Variants in CDK17 observed in about 807,000 individuals in gnomAD.
The protein encoded by CDK17 is cyclin-dependent kinase 17.
Under a neutral mutation model 77.6 loss-of-function variants are expected in CDK17, and 24 were observed. That is an observed-to-expected ratio of 0.31 (90% CI 0.22 to 0.44). CDK17 has a LOEUF of 0.44. Ranked by LOEUF, CDK17 falls within the 20% of genes least tolerant of loss-of-function variation. CDK17 has a pLI of 1.00. For synonymous variants in CDK17, 203 were observed against 210.4 expected, an observed-to-expected ratio of 0.96 and a Z score of 0.30; for missense variants, 429 against 622.5, an observed-to-expected ratio of 0.69 and a Z score of 3.31.
At chr12:96,306,228 A>G (rs1405795677) in intron 5 of CDK17, among the ~76,000 whole-genome samples, 2 of 152,148 alleles carry the variant, frequency 1.3e-5, no homozygotes, top group African/African-American at 4.8e-5. Context: ...ACTCAAGCAA[A>G]GGTTTTATGT....
chr12:96,385,488 C>A (rs1205125626), intron 1 of CDK17, among the ~76,000 whole-genome samples: 3 of 152,014 alleles, frequency 2.0e-5, no homozygotes, highest in Non-Finnish European at 4.4e-5. Flanking sequence ...CGAACCTGCA[C>A]TTGTATGCCC....
intron 5 of CDK17, among the ~76,000 whole-genome samples, chr12:96,305,201 A>C (rs1241860774): frequency 6.6e-6 from 1 of 152,238 alleles, no homozygotes; most frequent in Non-Finnish European, 1.5e-5. Flanking sequence ...AAGGACTACT[A>C]AATAGCACGT....
chr12:96,316,525 AG>A (rs1952722239), intron 3 of CDK17, among the ~76,000 whole-genome samples: 1 of 149,354 alleles, frequency 6.7e-6, no homozygotes, highest in African/African-American at 2.5e-5. Context: ...ACAAAAAGAC[AG>A]CAGGAACCTC....
intron 1 of CDK17, among the ~76,000 whole-genome samples, chr12:96,374,423 T>G (rs1179360391): frequency 1.3e-5 from 2 of 152,206 alleles, no homozygotes; most frequent in East Asian, 3.8e-4. Flanking sequence ...CCACTACTTT[T>G]CAGCTCCATC....
intron 15 of CDK17, 164 bp downstream of exon 15, chr12:96,282,345 T>C (rs1952188602): frequency 1.1e-5 from 6 of 564,720 alleles, no homozygotes; most frequent in South Asian, 5.0e-5. Flanking sequence ...AACTGAATCA[T>C]AGGGAAATAA....
intron 10 of CDK17, among the ~76,000 whole-genome samples, chr12:96,293,754 A>G (rs1005717910): frequency 6.6e-6 from 1 of 152,194 alleles, no homozygotes; most frequent in Non-Finnish European, 1.5e-5. Context: ...CCTGGGTTAT[A>G]CATTCCAAAT....
chr12:96,335,343 T>A (rs139166935), intron 1 of CDK17: 1 of 246,752 alleles, frequency 4.1e-6, no homozygotes, highest in African/African-American at 2.3e-5. Flanking sequence ...TTTTCCTTTT[T>A]ACGCTCTTAC....
intron 6 of CDK17, among the ~76,000 whole-genome samples, chr12:96,299,516 G>A (rs537591277): frequency 4.7e-4 from 64 of 136,414 alleles, no homozygotes; most frequent in Non-Finnish European, 8.6e-4. Context: ...TCAGCCTCCC[G>A]AGTAGCTGGG....
At chr12:96,297,112 G>A (rs1408276014) in intron 9 of CDK17, among the ~76,000 whole-genome samples, 158 bp downstream of exon 9, 2 of 152,136 alleles carry the variant, frequency 1.3e-5, no homozygotes, top group South Asian at 2.1e-4. Context: ...GTAAACAGAA[G>A]TTCTGGGTAA....
chr12:96,379,781 A>T (rs1363304444), intron 1 of CDK17, among the ~76,000 whole-genome samples: 2 of 152,150 alleles, frequency 1.3e-5, no homozygotes, highest in African/African-American at 4.8e-5. Context: ...TGGTGAAACC[A>T]ATTTCTAACA....
At position 96,320,025 on chromosome 12, in the gene CDK17, C is replaced by T. The variant is rs577710323; in HGVS notation, c.283+3923G>A. ...AAGTCAAATTGTCCCTGTTTGCAGA[C>T]GACATGATTATCTAGAAAACCCCAT... On this transcript the variant is annotated intron_variant, in intron 3 of 16. Coordinates refer to ENST00000261211, the MANE Select transcript of CDK17 (RefSeq NM_002595.5). 2.3e-3 allele frequency among the ~76,000 whole-genome samples: 349 copies of T among 152,018 alleles called. 3 individuals are homozygous for T. The highest frequency in any genetic ancestry group is 7.5e-3 in the African/African-American group (309 of 41,428).
At chr12:96,394,725 CGAGAA>C (rs1426575830) in intron 1 of CDK17, among the ~76,000 whole-genome samples, 1 of 142,898 alleles carries the variant, frequency 7.0e-6, no homozygotes, top group African/African-American at 2.6e-5. Flanking sequence ...GGCTGAGGCA[CGAGAA>C]TAGCTTGAGA....
chr12:96,331,753 G>GTT (rs555047831), intron 2 of CDK17, among the ~76,000 whole-genome samples: 2 of 152,102 alleles, frequency 1.3e-5, no homozygotes, highest in Non-Finnish European at 2.9e-5. Flanking sequence ...TCTCCAACAT[G>GTT]TTTATAGTAT....
chr12:96,289,537 T>C (rs771673802), intron 10 of CDK17, among the ~76,000 whole-genome samples: 2 of 152,226 alleles, frequency 1.3e-5, no homozygotes, highest in Non-Finnish European at 2.9e-5. Context: ...TGAATACACC[T>C]GGTGAAGTAT....
rs59698767 is a variant in CDK17, at chr12:96,368,818, G to A, written c.-30+31168C>T. Among the ~76,000 whole-genome samples, 384 of 95,618 alleles carry A rather than the reference G, an allele frequency of 4.0e-3. 65 individuals are homozygous for A. Among genetic ancestry groups the A allele is most frequent in the African/African-American group, 0.012 (339 of 27,434 alleles). 62.7% of individuals were successfully genotyped at this position (95,618 alleles called of 152,430 possible). On this transcript the variant is annotated intron_variant, in intron 1 of 16. Coordinates refer to ENST00000261211, the MANE Select transcript of CDK17 (RefSeq NM_002595.5). ...AGCTACTCTAAGACGGGGGGGGGGG[G>A]GGGGGGCACAATGAATAAGGCTGGA... is the stretch of plus-strand genomic sequence containing the variant.
chr12:96,312,455 T>C (rs1952656534), intron 4 of CDK17, among the ~76,000 whole-genome samples: 1 of 152,090 alleles, frequency 6.6e-6, no homozygotes, highest in Non-Finnish European at 1.5e-5. Context: ...ATAAGAAATA[T>C]TTTCATTAGT....
chr12:96,369,915 T>A (rs929236482), intron 1 of CDK17, among the ~76,000 whole-genome samples: 8 of 152,194 alleles, frequency 5.3e-5, no homozygotes, highest in African/African-American at 1.9e-4. Flanking sequence ...TCCTTAACTG[T>A]TTCTTTAGTT....
intron 10 of CDK17, among the ~76,000 whole-genome samples, chr12:96,294,374 C>T (rs888148367): frequency 6.6e-6 from 1 of 151,628 alleles, no homozygotes; most frequent in African/African-American, 2.4e-5. Flanking sequence ...AGTGGACCAC[C>T]TGAGGTCAGG....
At chr12:96,342,660 A>C (rs2137157048) in intron 1 of CDK17, among the ~76,000 whole-genome samples, 1 of 152,264 alleles carries the variant, frequency 6.6e-6, no homozygotes, top group South Asian at 2.1e-4. Flanking sequence ...TTTTTATACA[A>C]ACACTTAAAA....
Sources: allele counts gnomAD v4.1 joint callset (sites outside exome capture counted in the v4.1 genomes callset), GRCh38; gene constraint gnomAD v4.1.1; transcripts MANE v1.5; gene names NCBI Gene and HGNC (gene_info 2026-07-23, HGNC 2026-07-21).